Variants in AOAH observed in about 807,000 individuals in gnomAD.
The protein encoded by AOAH is acyloxyacyl hydrolase (neutrophil).
AOAH carries 64 observed loss-of-function variants against 92.2 expected under a neutral mutation model. The ratio of observed to expected loss-of-function variants is 0.69; its 90% CI spans 0.57 to 0.86. The LOEUF (loss-of-function observed/expected upper bound fraction) is 0.86, where lower values mean the gene tolerates loss of function less well. Ranked by LOEUF, AOAH falls within the 40% of genes least tolerant of loss-of-function variation. The pLI, the probability that AOAH is intolerant of heterozygous loss-of-function variation, is 0.00. For synonymous variants in AOAH, 263 were observed against 254.5 expected, an observed-to-expected ratio of 1.03 and a Z score of -0.32; for missense variants, 656 against 694.6, an observed-to-expected ratio of 0.94 and a Z score of 0.62.
At chr7:36,559,307 T>A (rs935397022) in intron 13 of AOAH, among the ~76,000 whole-genome samples, 1 of 152,234 alleles carries the variant, frequency 6.6e-6, no homozygotes, top group Non-Finnish European at 1.5e-5. Flanking sequence ...CTCAAAGTTC[T>A]TTGAGAAATC....
At chr7:36,694,434 G>T (rs1797586026) in intron 1 of AOAH, among the ~76,000 whole-genome samples, 1 of 152,122 alleles carries the variant, frequency 6.6e-6, no homozygotes, top group Non-Finnish European at 1.5e-5. Flanking sequence ...GGAGGTGGAG[G>T]TTGCAGTGAG....
intron 12 of AOAH, among the ~76,000 whole-genome samples, chr7:36,585,480 A>G (rs1471877652): frequency 6.6e-6 from 1 of 152,208 alleles, no homozygotes; most frequent in African/African-American, 2.4e-5. Context: ...ATTTGGGTCC[A>G]ATAATTTTTT....
chr7:36,566,005 A>C (rs1029307191), intron 13 of AOAH, among the ~76,000 whole-genome samples: 3 of 151,972 alleles, frequency 2.0e-5, no homozygotes, highest in African/African-American at 7.3e-5. Flanking sequence ...GTATTCAGCT[A>C]TCACATCTCC....
intron 1 of AOAH, among the ~76,000 whole-genome samples, chr7:36,696,724 G>A (rs999873896): frequency 6.6e-6 from 1 of 151,914 alleles, no homozygotes; most frequent in Non-Finnish European, 1.5e-5. Flanking sequence ...ACTGGGCATG[G>A]TGGTGCATGC....
chr7:36,602,662 CT>C (rs768363742), intron 11 of AOAH, among the ~76,000 whole-genome samples: 10 of 152,102 alleles, frequency 6.6e-5, no homozygotes, highest in Non-Finnish European at 1.3e-4. Context: ...AAAGCTGACT[CT>C]TCTGATACCT....
rs1783702756 is a variant in AOAH at position 36,516,329 on chromosome 7, A to G, written c.1600-2949T>C. Among the ~76,000 whole-genome samples the G allele has an allele frequency of 7.2e-6, 1 of 138,464 alleles. No individual in the cohort carries two copies. Among genetic ancestry groups the G allele is most frequent in the Non-Finnish European group, 1.6e-5 (1 of 64,334 alleles). The allele number at this position is 138,464 out of a possible 152,430, so 90.8% of individuals were successfully genotyped here. On this transcript the variant is annotated intron_variant, in intron 20 of 20. Coordinates refer to ENST00000617537, the MANE Select transcript of AOAH (RefSeq NM_001637.4). The surrounding 1 kb of genome is among the most constrained non-coding windows in gnomAD (Gnocchi z 5.0). ...AGATACCACACACACACACACAGAA[A>G]GCACACAGATACCACACACACCCCC...
chr7:36,680,090 T>G (rs1796548228), intron 2 of AOAH, among the ~76,000 whole-genome samples: 1 of 152,198 alleles, frequency 6.6e-6, no homozygotes, highest in South Asian at 2.1e-4. Context: ...AGATAAAATT[T>G]CTGCATAGGT....
At chr7:36,697,928 G>A (rs1797819714) in intron 1 of AOAH, among the ~76,000 whole-genome samples, 2 of 152,166 alleles carry the variant, frequency 1.3e-5, no homozygotes, top group Admixed American at 1.3e-4. Flanking sequence ...TGTAAGACAA[G>A]GAATGTGAAG....
chr7:36,544,180 C>G (rs992190685), intron 15 of AOAH, among the ~76,000 whole-genome samples: 1 of 151,980 alleles, frequency 6.6e-6, no homozygotes, highest in Non-Finnish European at 1.5e-5. Flanking sequence ...CTCTTGACCT[C>G]GTGATCTGCC....
At chr7:36,690,126 C>G in intron 1 of AOAH, 1 of 447,832 alleles carries the variant, frequency 2.2e-6, no homozygotes, top group South Asian at 1.6e-5. Context: ...GAATTTCACT[C>G]AGAGAAATCC....
chr7:36,652,010 G>A (rs1584034834), intron 4 of AOAH, among the ~76,000 whole-genome samples: 1 of 152,232 alleles, frequency 6.6e-6, no homozygotes, highest in Admixed American at 6.5e-5. Flanking sequence ...AGGCCAATAA[G>A]CAATGACATC....
intron 11 of AOAH, among the ~76,000 whole-genome samples, chr7:36,597,325 T>C (rs959250203): frequency 1.3e-5 from 2 of 152,192 alleles, no homozygotes; most frequent in African/African-American, 4.8e-5. Flanking sequence ...TCAGCTATTA[T>C]CTGTTTGAGT....
chr7:36,534,486 T>C (rs1784887111), intron 16 of AOAH, among the ~76,000 whole-genome samples: 1 of 152,210 alleles, frequency 6.6e-6, no homozygotes, highest in Non-Finnish European at 1.5e-5. Flanking sequence ...TTCTGCCTGT[T>C]AGAGGGTAGG....
intron 13 of AOAH, among the ~76,000 whole-genome samples, chr7:36,556,632 G>C (rs1400315559): frequency 1.1e-4 from 16 of 145,584 alleles, no homozygotes; most frequent in Non-Finnish European, 2.1e-4. Flanking sequence ...TCTCTTTGTA[G>C]GTCACTCAGG....
chr7:36,679,740 C>A (rs1382621383), intron 2 of AOAH, among the ~76,000 whole-genome samples: 2 of 152,132 alleles, frequency 1.3e-5, no homozygotes, highest in African/African-American at 2.4e-5. Flanking sequence ...TCACTGCAAC[C>A]TCCACCTCCA....
At chr7:36,558,429 G>A (rs1786968826) in intron 13 of AOAH, among the ~76,000 whole-genome samples, 1 of 152,238 alleles carries the variant, frequency 6.6e-6, no homozygotes, top group South Asian at 2.1e-4. Flanking sequence ...CTGCTCGGGG[G>A]TCAGGGGTCA....
At chr7:36,577,999 T>G (rs1436401231) in intron 12 of AOAH, among the ~76,000 whole-genome samples, 1 of 152,214 alleles carries the variant, frequency 6.6e-6, no homozygotes, top group East Asian at 1.9e-4. Flanking sequence ...TCAGGATGCA[T>G]AGAAAATAGT....
At chr7:36,564,544 G>T (rs1328568839) in intron 13 of AOAH, among the ~76,000 whole-genome samples, 2 of 152,216 alleles carry the variant, frequency 1.3e-5, no homozygotes, top group Non-Finnish European at 2.9e-5. Context: ...CTTTGGAACT[G>T]ATAGAAATGA....
intron 4 of AOAH, among the ~76,000 whole-genome samples, chr7:36,641,997 C>T (rs1793949943): frequency 6.6e-6 from 1 of 152,092 alleles, no homozygotes; most frequent in Admixed American, 6.5e-5. Flanking sequence ...AGCCCAAAGT[C>T]TTCAGACAAG....
Sources: gnomAD v4.1 joint callset for allele counts (sites outside exome capture counted in the v4.1 genomes callset) on GRCh38, gnomAD v4.1.1 for gene constraint, Gnocchi (gnomAD v3.1) non-coding constraint, MANE v1.5 for transcripts, NCBI Gene and HGNC (gene_info 2026-07-23, HGNC 2026-07-21) for gene names.